Variants in SSTR2 observed in about 807,000 individuals in gnomAD.
The protein encoded by SSTR2 is somatostatin receptor type 2.
A neutral mutation model predicts 21.4 loss-of-function variants in SSTR2; 10 were observed. The ratio of observed to expected loss-of-function variants is 0.47; its 90% confidence interval spans 0.29 to 0.79. The LOEUF is 0.79. Among genes scored for constraint, SSTR2 ranks in the 30% least tolerant of loss-of-function variants. The pLI is 0.10. For missense variants in SSTR2, 364 were observed against 468.8 expected, an observed-to-expected ratio of 0.78 and a Z score of 2.06; for synonymous variants, 177 against 181.3, an observed-to-expected ratio of 0.98 and a Z score of 0.19.
At chr17:73,166,411 T>C (rs2061216447) in intron 1 of SSTR2, among the ~76,000 whole-genome samples, 1 of 148,380 alleles carries the variant, frequency 6.7e-6, no homozygotes, top group Admixed American at 6.7e-5. Flanking sequence ...AACACTCATT[T>C]CTTGGGCTGG....
chr17:73,165,578 G>C (rs2061213536), intron 1 of SSTR2, among the ~76,000 whole-genome samples: 2 of 152,060 alleles, frequency 1.3e-5, no homozygotes, highest in African/African-American at 4.8e-5. Context: ...TGTGCGTGGC[G>C]TGTGCCCTTT....
In SSTR2 at chr17:73,173,949, G is replaced by A. The variant is rs2061242513; in HGVS notation, c.*3520G>A. ...TTCAAGACCAGCCTGGCCAACATGG[G>A]GAAACCCTGTCTCTACTAAGAATAC... On this transcript the variant is annotated 3_prime_UTR_variant, in exon 2 of 2. Coordinates refer to ENST00000357585, the MANE Select transcript of SSTR2 (RefSeq NM_001050.3). 1 of 151,948 alleles carries A rather than the reference G, an allele frequency of 6.6e-6. No individual in the cohort carries two copies. The highest frequency in any genetic ancestry group is 2.4e-5 in the African/African-American group (1 of 41,350). The allele number at this position is 151,948 out of a possible 1,614,324, so 9.4% of individuals were successfully genotyped here. A position where few individuals can be genotyped will look rare whatever the true frequency, so the allele number is the denominator to read the frequency against.
Position 73,170,244 on chromosome 17 carries a change from C to T in SSTR2, c.925C>T (p.Pro309Ser), listed in dbSNP as rs768972652. 32 of 1,613,948 alleles carry T rather than the reference C, an allele frequency of 2.0e-5. No individual in the cohort carries two copies. The highest frequency in any genetic ancestry group is 2.5e-5 in the Non-Finnish European group (30 of 1,180,024). ...VLTYANSCAN[P>S]ILYAFLSDNF... ...CACCTATGCTAACAGCTGTGCCAACCCTATCCTATATGCCTTCTTGTCTGA... is the reference window on the plus strand; with the variant it reads ...CACCTATGCTAACAGCTGTGCCAACTCTATCCTATATGCCTTCTTGTCTGA... The change falls in exon 2 of 2, where the codon CCT becomes TCT. Residue 309 changes from proline to serine, a missense_variant. Pro to Ser is a moderately conservative substitution (Grantham distance 74, BLOSUM62 -1). Coordinates refer to ENST00000357585, the MANE Select transcript of SSTR2 (RefSeq NM_001050.3).
chr17:73,168,038 G>A (rs959925930), intron 1 of SSTR2: 8 of 152,274 alleles, frequency 5.3e-5, no homozygotes, highest in African/African-American at 1.7e-4. Context: ...CTAGGCCACT[G>A]AGGAGCAGAG....
rs186321351 is a variant in SSTR2, at chr17:73,172,607, T to C, written c.*2178T>C. On this transcript the variant is annotated 3_prime_UTR_variant, in exon 2 of 2. Transcript: ENST00000357585. ...ATCCATACAAAAATAAAAAGAGGTA[T>C]AGTTATAAAACAAGACTACAGAAAA... 145 of 152,306 alleles carry C rather than the reference T, an allele frequency of 9.5e-4. 1 individual carries two copies. Among genetic ancestry groups the C allele is most frequent in the African/African-American group, 3.2e-3 (131 of 41,564 alleles). The allele number at this position is 152,306 out of a possible 1,614,324, so 9.4% of individuals were successfully genotyped here. A position where few individuals can be genotyped will look rare whatever the true frequency, so the allele number is the denominator to read the frequency against.
intron 1 of SSTR2, among the ~76,000 whole-genome samples, chr17:73,167,080 A>G (rs1178942692): frequency 6.6e-6 from 1 of 152,212 alleles, no homozygotes; most frequent in Non-Finnish European, 1.5e-5. Flanking sequence ...CTCTGATTGC[A>G]GGCAGCTTGA....
rs1260548403 is a variant in SSTR2 at position 73,176,174 on chromosome 17, T to A, written c.*5745T>A. The A allele has an allele frequency of 2.6e-5, 4 of 152,210 alleles. No homozygotes were observed. The highest frequency in any genetic ancestry group is 2.6e-4 in the Admixed American group (4 of 15,282). 9.4% of individuals were successfully genotyped at this position (152,210 alleles called of 1,614,324 possible). ...AGCCATGCTTCTTCTGCCCTCCCAG[T>A]AGGCTGGGCTATCAGTTCCTGGGAG... On this transcript the variant is annotated 3_prime_UTR_variant, in exon 2 of 2. Coordinates refer to ENST00000357585, the MANE Select transcript of SSTR2 (RefSeq NM_001050.3).
intron 1 of SSTR2, among the ~76,000 whole-genome samples, chr17:73,168,439 CAAA>C (rs2061223201): frequency 1.3e-5 from 2 of 150,416 alleles, no homozygotes; most frequent in Admixed American, 1.3e-4. Context: ...TATTGGAAAA[CAAA>C]AATAGAAGAA....
intron 1 of SSTR2, among the ~76,000 whole-genome samples, chr17:73,167,577 G>A (rs1008344143): frequency 1.3e-5 from 2 of 152,102 alleles, no homozygotes; most frequent in African/African-American, 2.4e-5. Context: ...TGAACATCTC[G>A]CCTCTTCCTA....
Position 73,175,874 on chromosome 17 carries a change from C to T in SSTR2, c.*5445C>T, listed in dbSNP as rs1246730487. The stretch of plus-strand genomic sequence containing the variant: ...CCACCCCAATTATTCAGTGACAGGG[C>T]TCCAGTTGCTTAAGCCATAGAGAAG... On this transcript the variant is annotated 3_prime_UTR_variant, in exon 2 of 2. Coordinates refer to ENST00000357585, the MANE Select transcript of SSTR2 (RefSeq NM_001050.3). 6.6e-6 allele frequency: 1 copy of T among 152,232 alleles called. No homozygotes were observed. Among genetic ancestry groups the T allele is most frequent in the Non-Finnish European group, 1.5e-5 (1 of 68,056 alleles). 9.4% of individuals were successfully genotyped at this position (152,232 alleles called of 1,614,324 possible).
rs151080029 is a variant in SSTR2, at chr17:73,170,147, C to T, written c.828C>T (p.Asn276=). The change falls in exon 2 of 2, where the codon AAC becomes AAT. Residue 276 remains asparagine (N), a synonymous_variant. Transcript: ENST00000357585. ...IFCWLPFYIF[N]VSSVSMAISP... ...GCTGGCTTCCCTTCTACATATTCAA[C>T]GTTTCTTCCGTCTCCATGGCCATCA... is the stretch of plus-strand genomic sequence containing the variant. 2.7e-5 allele frequency: 44 copies of T among 1,614,044 alleles called. No homozygotes were observed. Among genetic ancestry groups the T allele is most frequent in the African/African-American group, 4.0e-5 (3 of 74,930 alleles).
At position 73,169,889 on chromosome 17, in the gene SSTR2, A is replaced by C; in HGVS notation, c.570A>C (p.Arg190Ser). 1 of 1,611,316 alleles carries C rather than the reference A, an allele frequency of 6.2e-7. No homozygotes were observed. Among genetic ancestry groups the C allele is most frequent in the Non-Finnish European group, 8.5e-7 (1 of 1,177,908 alleles). ...GGCTCCGGAGCAACCAGTGGGGGAGAAGCAGCTGCACCATCAACTGGCCAG... is the reference window on the plus strand; with the variant it reads ...GGCTCCGGAGCAACCAGTGGGGGAGCAGCAGCTGCACCATCAACTGGCCAG... ...YAGLRSNQWG[R>S]SSCTINWPGE... is the part of the protein sequence containing the mutation. Residue 190 changes from arginine to serine, a missense_variant, in exon 2 of 2, where the codon AGA becomes AGC. Around this residue, in one of 4 missense-constraint regions of SSTR2, gnomAD observed 193 missense variants for 273.1 expected, o/e 0.71. Coordinates refer to ENST00000357585, the MANE Select transcript of SSTR2 (RefSeq NM_001050.3). This position sits in a 1 kb window ranked among gnomAD's most constrained non-coding sequence, Gnocchi z 5.2.
Position 73,169,354 on chromosome 17 carries a change from A to T in SSTR2, c.35A>T (p.His12Leu). The T allele has an allele frequency of 2.5e-6, 4 of 1,613,768 alleles. No individual in the cohort carries two copies. The highest frequency in any genetic ancestry group is 3.4e-6 in the Non-Finnish European group (4 of 1,179,922). The change falls in exon 2 of 2, where the codon CAC becomes CTC. Residue 12 changes from histidine (H) to leucine (L), a missense_variant. His to Leu is a moderately conservative substitution (Grantham distance 99). Coordinates refer to ENST00000357585, the MANE Select transcript of SSTR2 (RefSeq NM_001050.3). The surrounding 1 kb of genome is among the most constrained non-coding windows in gnomAD (Gnocchi z 5.2). The stretch of plus-strand genomic sequence containing the variant: ...GCGGATGAGCCACTCAATGGAAGCC[A>T]CACATGGCTATCCATTCCATTTGAC... ...DMADEPLNGS[H>L]TWLSIPFDLN...
intron 1 of SSTR2, among the ~76,000 whole-genome samples, chr17:73,168,885 A>C (rs2061224641): frequency 6.6e-6 from 1 of 152,106 alleles, no homozygotes; most frequent in Non-Finnish European, 1.5e-5. Context: ...TCAGTGTCAG[A>C]CCCTTCTGAG....
chr17:73,175,133 T>C lies in SSTR2; in HGVS notation c.*4704T>C, dbSNP rs913688923. On this transcript the variant is annotated 3_prime_UTR_variant, in exon 2 of 2. Transcript: ENST00000357585. Reference sequence around the variant, plus strand: ...AGCTGGCAAGCCAAGCAGTGGAACTTATAGTAACAACAATCAATCACTTGT... The same window carrying C: ...AGCTGGCAAGCCAAGCAGTGGAACTCATAGTAACAACAATCAATCACTTGT... 6 of 152,178 alleles carry C rather than the reference T, an allele frequency of 3.9e-5. No individual in the cohort carries two copies. The highest frequency in any genetic ancestry group is 1.4e-4 in the African/African-American group (6 of 41,454). The allele number at this position is 152,178 out of a possible 1,614,324, so 9.4% of individuals were successfully genotyped here.
At position 73,172,757 on chromosome 17, in the gene SSTR2, AAAAC is replaced by A. The variant is rs1207873226; in HGVS notation, c.*2331_*2334del. On this transcript the variant is annotated 3_prime_UTR_variant, in exon 2 of 2. Transcript: ENST00000357585. ...GAAGTGTGATTTTTTTTTTTAAACA[AAAAC>A]AAGCAAAGATTTGGAAGAAAATGCT... 6.6e-6 allele frequency: 1 copy of A among 152,196 alleles called. No homozygotes were observed. Among genetic ancestry groups the A allele is most frequent in the Non-Finnish European group, 1.5e-5 (1 of 68,044 alleles). 9.4% of individuals were successfully genotyped at this position (152,196 alleles called of 1,614,324 possible).
At chr17:73,167,597 C>G (rs1343509166) in intron 1 of SSTR2, among the ~76,000 whole-genome samples, 1 of 152,230 alleles carries the variant, frequency 6.6e-6, no homozygotes, top group Non-Finnish European at 1.5e-5. Context: ...AGATTGGCCT[C>G]TTTGCTGTCC....
At chr17:73,167,649 C>A (rs728291) in intron 1 of SSTR2, among the ~76,000 whole-genome samples, 42,292 of 152,104 alleles carry the variant, frequency 0.28, 6,890 homozygotes, top group Non-Finnish European at 0.37. Flanking sequence ...AGCTCAAACA[C>A]TTCTCTTTGG....
Position 73,170,522 on chromosome 17 carries a change from A to T in SSTR2, c.*93A>T. 1.3e-6 allele frequency: 2 copies of T among 1,490,422 alleles called. No homozygotes were observed. The highest frequency in any genetic ancestry group is 1.8e-6 in the Non-Finnish European group (2 of 1,085,702). The allele number at this position is 1,490,422 out of a possible 1,614,324, so 92.3% of individuals were successfully genotyped here. A position where few individuals can be genotyped will look rare whatever the true frequency, so the allele number is the denominator to read the frequency against. On this transcript the variant is annotated 3_prime_UTR_variant, in exon 2 of 2. Coordinates refer to ENST00000357585, the MANE Select transcript of SSTR2 (RefSeq NM_001050.3). Reference sequence around the variant, plus strand: ...TGGCTTCCTGCCTCCCACCCCTCACACCTGGCTTCTAGAATAGAGGATTGC... The same window carrying T: ...TGGCTTCCTGCCTCCCACCCCTCACTCCTGGCTTCTAGAATAGAGGATTGC...
Sources: gnomAD v4.1 joint callset for allele counts (sites outside exome capture counted in the v4.1 genomes callset) on GRCh38, gnomAD v4.1.1 for gene constraint, gnomAD v4.1.1 regional missense constraint, Gnocchi (gnomAD v3.1) non-coding constraint, MANE v1.5 for transcripts, NCBI Gene and HGNC (gene_info 2026-07-23, HGNC 2026-07-21) for gene names.